The following TSPAN16 variants were observed in gnomAD, a reference collection of about 807,000 sequenced individuals.
TSPAN16 encodes the protein tetraspanin-16.
Under a neutral mutation model 25.2 loss-of-function variants are expected in TSPAN16, and 23 were observed. The observed-to-expected ratio is 0.91, with a 90% CI of 0.66 to 1.29. The LOEUF is 1.29. Ranked by LOEUF, TSPAN16 falls within the 50% of genes most tolerant of loss-of-function variation. The pLI is 0.00. For synonymous variants in TSPAN16, 123 were observed against 124.4 expected (o/e 0.99, Z 0.08); for missense variants, 272 against 299.9 (o/e 0.91, Z 0.69).
In TSPAN16 at chr19:11,311,493, T is replaced by C. The variant is rs570059957; in HGVS notation, c.604-646T>C. Among the ~76,000 whole-genome samples, 7 of 152,146 alleles carry C rather than the reference T, an allele frequency of 4.6e-5. 1 individual carries two copies. Among genetic ancestry groups the C allele is most frequent in the African/African-American group, 1.4e-4 (6 of 41,530 alleles). On this transcript the variant is annotated intron_variant, in intron 5 of 6. Coordinates refer to ENST00000590327, the MANE Select transcript of TSPAN16 (RefSeq NM_001282509.2). ...TCCCCTGGGCTGGAGTGCAGTGGCA[T>C]GATCATGGCTCACTGAAGCCTCGAC...
chr19:11,314,842 C>G (rs1013847779), intron 6 of TSPAN16, among the ~76,000 whole-genome samples: 5 of 152,114 alleles, frequency 3.3e-5, no homozygotes, highest in African/African-American at 1.2e-4. Context: ...TCCCGCTCAC[C>G]CGTCTTCTCC....
exon 7 of TSPAN16, chr19:11,326,817 G>C: frequency 1.5e-6 from 1 of 684,668 alleles, no homozygotes. Flanking sequence ...GCTATGTTGC[G>C]CAGGCTGGTC....
chr19:11,310,523 A>C (rs983156826), intron 5 of TSPAN16, among the ~76,000 whole-genome samples: 76 of 152,008 alleles, frequency 5.0e-4, no homozygotes, highest in African/African-American at 1.8e-3. Flanking sequence ...CTCAAAAAAA[A>C]AAAAAAAAAA....
At chr19:11,302,649 A>T (rs2080568627) in intron 4 of TSPAN16, among the ~76,000 whole-genome samples, 4 of 121,800 alleles carry the variant, frequency 3.3e-5, no homozygotes, top group African/African-American at 1.6e-4. Context: ...ATACATATAT[A>T]TATACACATA....
rs144324498 is a variant in TSPAN16 at position 11,306,884 on chromosome 19, C to T, written c.603+128C>T. The stretch of plus-strand genomic sequence containing the variant: ...AGGCTGGAGTGCAGTGGTGCGATCT[C>T]GGCTCACTGCAACCTCCGCCTCCCA... On this transcript the variant is annotated intron_variant, in intron 5 of 6. Coordinates refer to ENST00000590327, the MANE Select transcript of TSPAN16 (RefSeq NM_001282509.2). 1,428 of 887,192 alleles carry T rather than the reference C, an allele frequency of 1.6e-3. 30 individuals are homozygous for T. The East Asian group carries it at 0.034, about 21-fold the overall frequency. The allele number at this position is 887,192 out of a possible 1,614,324, so 55.0% of individuals were successfully genotyped here. A position where few individuals can be genotyped will look rare whatever the true frequency, so the allele number is the denominator to read the frequency against.
chr19:11,325,586 C>T, intron 6 of TSPAN16: 1 of 1,604,266 alleles, frequency 6.2e-7, no homozygotes, highest in Non-Finnish European at 8.5e-7. Context: ...AACTCGAAAC[C>T]TGGATGAATG....
chr19:11,301,138 C>T (rs117954196), intron 3 of TSPAN16, 63 bp from the exon 4 acceptor site: 145 of 1,393,516 alleles, frequency 1.0e-4, no homozygotes, highest in South Asian at 1.7e-4. Context: ...TCAAGAACCT[C>T]GGCCAATGAA....
intron 1 of TSPAN16, among the ~76,000 whole-genome samples, chr19:11,297,657 C>T (rs1035711087): frequency 2.6e-5 from 4 of 151,990 alleles, no homozygotes; most frequent in Admixed American, 6.6e-5. Context: ...CCACCACGCC[C>T]GGCCAATTTT....
intron 4 of TSPAN16, among the ~76,000 whole-genome samples, chr19:11,302,512 G>C (rs1479829867): frequency 9.3e-6 from 1 of 107,872 alleles, no homozygotes; most frequent in Non-Finnish European, 1.7e-5. Flanking sequence ...CTGGGCAACA[G>C]AGTGAGGCTC....
intron 2 of TSPAN16, 105 bp downstream of exon 2, chr19:11,298,444 T>G: frequency 8.6e-7 from 1 of 1,156,496 alleles, no homozygotes; most frequent in Non-Finnish European, 1.2e-6. Flanking sequence ...TATTTTTTTT[T>G]TTTTTGCGGG....
At position 11,298,331 on chromosome 19, in the gene TSPAN16, C is replaced by G; in HGVS notation, c.259C>G (p.Leu87Val). The G allele has an allele frequency of 6.2e-7, 1 of 1,613,734 alleles. No homozygotes were observed. Among genetic ancestry groups the G allele is most frequent in the Non-Finnish European group, 8.5e-7 (1 of 1,179,988 alleles). Reference sequence around the variant, plus strand: ...AGCGACTAAAGAGAGCAGAGGCACGCTCTTGTTTGTAAGTTGGATCTGCAC... The same window carrying G: ...AGCGACTAAAGAGAGCAGAGGCACGGTCTTGTTTGTAAGTTGGATCTGCAC... The part of the protein sequence containing the change: ...YGATKESRGT[L>V]LFCILSMVIV... Residue 87 changes from leucine (L) to valine (V), a missense_variant, in exon 2 of 7, where the codon CTC (leucine) becomes GTC (valine). Coordinates refer to ENST00000590327, the MANE Select transcript of TSPAN16 (RefSeq NM_001282509.2).
intron 4 of TSPAN16, among the ~76,000 whole-genome samples, chr19:11,305,109 G>C (rs2080611524): frequency 6.6e-6 from 1 of 152,084 alleles, no homozygotes; most frequent in African/African-American, 2.4e-5. Flanking sequence ...GCTGCTTTTG[G>C]CTTCTCAAGC....
chr19:11,308,288 A>G (rs540579019), intron 5 of TSPAN16, among the ~76,000 whole-genome samples: 15 of 110,954 alleles, frequency 1.4e-4, no homozygotes, highest in Non-Finnish European at 2.3e-4. Flanking sequence ...CAAAGTCCCC[A>G]TCACAACAAC....
chr19:11,301,024 G>A (rs919072912), intron 3 of TSPAN16, 177 bp from the exon 4 acceptor site: 1 of 573,156 alleles, frequency 1.7e-6, no homozygotes, highest in Admixed American at 3.0e-5. Context: ...TCTTGTGGTG[G>A]GGGCACAGTA....
At chr19:11,298,766 T>G (rs944953914) in intron 2 of TSPAN16, 106 bp from the exon 3 acceptor site, 2 of 1,076,366 alleles carry the variant, frequency 1.9e-6, no homozygotes, top group Non-Finnish European at 2.9e-6. Context: ...CAGGGTGGCC[T>G]GGGGTGGAGG....
intron 6 of TSPAN16, 102 bp from the exon 7 acceptor site, chr19:11,315,689 C>T: frequency 5.0e-6 from 5 of 994,676 alleles, no homozygotes; most frequent in Non-Finnish European, 6.5e-6. Flanking sequence ...TGCCCCTCGC[C>T]TTTCTGGAAC....
At chr19:11,310,046 A>G (rs1332050121) in intron 5 of TSPAN16, among the ~76,000 whole-genome samples, 7 of 151,436 alleles carry the variant, frequency 4.6e-5, no homozygotes, top group Non-Finnish European at 7.4e-5. Context: ...TCAAGGCTGC[A>G]GTGAGCTATG....
chr19:11,307,083 C>T (rs968696311), intron 5 of TSPAN16, among the ~76,000 whole-genome samples: 1 of 151,570 alleles, frequency 6.6e-6, no homozygotes, highest in African/African-American at 2.4e-5. Context: ...GCTGGGATTA[C>T]AGGCATGAGC....
chr19:11,298,388 A>G, intron 2 of TSPAN16, 49 bp downstream of exon 2: 1 of 1,573,802 alleles, frequency 6.4e-7, no homozygotes, highest in African/African-American at 1.4e-5. Flanking sequence ...CCACACACAC[A>G]AATCTTTTAT....
Sources: allele counts gnomAD v4.1 joint callset (sites outside exome capture counted in the v4.1 genomes callset), GRCh38; gene constraint gnomAD v4.1.1; transcripts MANE v1.5; gene names NCBI Gene and HGNC (gene_info 2026-07-23, HGNC 2026-07-21).